The following IREB2 variants were observed in gnomAD, a reference collection of about 807,000 sequenced individuals.
IREB2 encodes the protein iron responsive element binding protein 2, also known as iron-responsive element-binding protein 2.
IREB2 carries 39 observed loss-of-function variants against 118.8 expected under a neutral mutation model. The observed-to-expected ratio is 0.33, with a 90% CI of 0.25 to 0.43. The LOEUF is 0.43. Among genes scored for constraint, IREB2 ranks in the 20% least tolerant of loss-of-function variants. The pLI, the probability that IREB2 is intolerant of heterozygous loss-of-function variation, is 1.00. For missense variants in IREB2, 900 were observed against 1,147.3 expected (o/e 0.78, Z 3.11); for synonymous variants, 372 against 392.2 (o/e 0.95, Z 0.61).
rs758701642 is a variant in IREB2, at chr15:78,478,266, C to T, written c.1196-31C>T. ...TAATAACTAAATAAATTTCTCACTGCATTTTGTTGTTTTGTTCATCTTCGT... is the reference window on the plus strand; with the variant it reads ...TAATAACTAAATAAATTTCTCACTGTATTTTGTTGTTTTGTTCATCTTCGT... On this transcript the variant is annotated intron_variant, in intron 9 of 21. Transcript: ENST00000258886. The T allele has an allele frequency of 7.1e-5, 94 of 1,331,946 alleles. No homozygotes were observed. The Admixed American group carries it at 1.6e-3, about 22-fold the overall frequency. 82.5% of individuals were successfully genotyped at this position (1,331,946 alleles called of 1,614,324 possible). A position where few individuals can be genotyped will look rare whatever the true frequency, so the allele number is the denominator to read the frequency against.
rs1054232009 is a variant in IREB2, at chr15:78,451,786, C to G, written c.107-11136C>G. Among the ~76,000 whole-genome samples, 8 of 152,164 alleles carry G rather than the reference C, an allele frequency of 5.3e-5. 1 individual carries two copies. Among genetic ancestry groups the G allele is most frequent in the African/African-American group, 1.9e-4 (8 of 41,500 alleles). ...CTCACTGCAACCTCTGCCTCTAGTT[C>G]AAGCGATTCTCCTGCCTCAGCCTTC... On this transcript the variant is annotated intron_variant, in intron 2 of 21. Coordinates refer to ENST00000258886, the MANE Select transcript of IREB2 (RefSeq NM_004136.4).
intron 20 of IREB2, among the ~76,000 whole-genome samples, chr15:78,495,974 C>T (rs2051831648): frequency 6.6e-6 from 1 of 152,208 alleles, no homozygotes; most frequent in African/African-American, 2.4e-5. Flanking sequence ...TAAACCTCTA[C>T]TCTTGTGGAG....
At chr15:78,462,720 G>A (rs2051216667) in intron 2 of IREB2, among the ~76,000 whole-genome samples, 1 of 152,104 alleles carries the variant, frequency 6.6e-6, no homozygotes, top group Admixed American at 6.5e-5. Flanking sequence ...AGGCTTTGAG[G>A]TTATGTACAG....
At chr15:78,472,977 ATACT>A (rs935981508) in intron 7 of IREB2, among the ~76,000 whole-genome samples, 1 of 152,248 alleles carries the variant, frequency 6.6e-6, no homozygotes, top group Admixed American at 6.5e-5. Context: ...AACATAATGA[ATACT>A]TAAACTAATG....
chr15:78,463,416 G>A (rs1031314537), intron 3 of IREB2, among the ~76,000 whole-genome samples: 1 of 152,048 alleles, frequency 6.6e-6, no homozygotes, highest in Non-Finnish European at 1.5e-5. Flanking sequence ...ACTCCAGCCT[G>A]GGTGACAATG....
At chr15:78,445,788 T>C (rs973274947) in intron 2 of IREB2, among the ~76,000 whole-genome samples, 1 of 152,022 alleles carries the variant, frequency 6.6e-6, no homozygotes, top group Non-Finnish European at 1.5e-5. Flanking sequence ...TTTTGTTTTG[T>C]TTGTTTTGTT....
intron 10 of IREB2, 98 bp from the exon 11 acceptor site, chr15:78,483,220 G>T: frequency 3.4e-6 from 2 of 594,740 alleles, no homozygotes; most frequent in South Asian, 4.7e-5. Flanking sequence ...AAATAAATAC[G>T]AATATACTTA....
intron 15 of IREB2, 138 bp from the exon 16 acceptor site, chr15:78,488,509 A>G: frequency 2.1e-6 from 2 of 964,172 alleles, no homozygotes; most frequent in Middle Eastern, 2.3e-4. Flanking sequence ...ATGTACAGGT[A>G]ATTAGTTCTT....
At chr15:78,439,693 C>T in intron 1 of IREB2, 102 bp from the exon 2 acceptor site, 1 of 664,846 alleles carries the variant, frequency 1.5e-6, no homozygotes. Flanking sequence ...AATATTTTTA[C>T]CATTGCAGAA....
At chr15:78,438,412 C>G (rs962007312) in intron 1 of IREB2, 56 bp downstream of exon 1, 67 of 1,564,796 alleles carry the variant, frequency 4.3e-5, no homozygotes, top group Middle Eastern at 3.4e-4. Context: ...GCTGCCTAGG[C>G]GCCGAATTCC....
At position 78,484,860 on chromosome 15, in the gene IREB2, G is replaced by C; in HGVS notation, c.1513G>C (p.Val505Leu). Residue 505 changes from valine (V) to leucine (L), a missense_variant, in exon 12 of 22, where the codon GTC becomes CTC. Transcript: ENST00000258886. ...ATATAAGCTGTCTCATGGATCAGTG[G>C]TCATTGCTGCAGTTATCAGTTGTAC... Reference protein sequence around the residue: ...SEYKLSHGSVVIAAVISCTNN... With the variant: ...SEYKLSHGSVLIAAVISCTNN... 1 of 1,613,940 alleles carries C rather than the reference G, an allele frequency of 6.2e-7. No homozygotes were observed. The highest frequency in any genetic ancestry group is 1.1e-5 in the South Asian group (1 of 91,076).
intron 5 of IREB2, among the ~76,000 whole-genome samples, chr15:78,468,714 A>G (rs1315720400): frequency 2.0e-5 from 3 of 152,122 alleles, no homozygotes; most frequent in Non-Finnish European, 4.4e-5. Context: ...GTCTAGTTCT[A>G]AAATATTGGG....
chr15:78,449,120 CTT>C (rs2050980044), intron 2 of IREB2, among the ~76,000 whole-genome samples: 1 of 152,166 alleles, frequency 6.6e-6, no homozygotes, highest in African/African-American at 2.4e-5. Context: ...GGTGAGGAAA[CTT>C]AGTCTTAAAC....
At chr15:78,446,575 A>G (rs542067589) in intron 2 of IREB2, among the ~76,000 whole-genome samples, 8 of 152,258 alleles carry the variant, frequency 5.3e-5, no homozygotes, top group African/African-American at 1.7e-4. Context: ...CCACTTCACT[A>G]TAGACAAGCC....
intron 16 of IREB2, 152 bp downstream of exon 16, chr15:78,488,923 T>G: frequency 1.9e-6 from 1 of 530,508 alleles, no homozygotes; most frequent in South Asian, 3.4e-5. Flanking sequence ...AATCTGTAGT[T>G]AAAAAGAAAA....
Position 78,450,824 on chromosome 15 carries a change from T to TTGTGTGTGTGTGTGTG in IREB2, c.106+10977_106+10992dup, listed in dbSNP as rs35092289. Among the ~76,000 whole-genome samples the TTGTGTGTGTGTGTGTG allele has an allele frequency of 3.7e-5, 5 of 134,122 alleles. 1 individual carries two copies. In the East Asian group the frequency reaches 6.7e-4, roughly 18 times the overall value. 88.0% of individuals were successfully genotyped at this position (134,122 alleles called of 152,430 possible). ...GAGGGCTGTGGTGATATTAACAAATTTGTGTGTGTGTGTGTGTGTGTGTGT... is the reference window on the plus strand; with the variant it reads ...GAGGGCTGTGGTGATATTAACAAATTTGTGTGTGTGTGTGTGTGTGTGTGTGTGTGTGTGTGTGTGT... On this transcript the variant is annotated intron_variant, in intron 2 of 21. Transcript: ENST00000258886.
At chr15:78,445,017 C>T (rs1017586224) in intron 2 of IREB2, among the ~76,000 whole-genome samples, 2 of 152,142 alleles carry the variant, frequency 1.3e-5, no homozygotes, top group African/African-American at 4.8e-5. Context: ...CTAATACTTA[C>T]ATTTTTGTGC....
At chr15:78,470,406 T>C (rs1040446332) in intron 5 of IREB2, 126 bp from the exon 6 acceptor site, 3 of 548,248 alleles carry the variant, frequency 5.5e-6, no homozygotes, top group Non-Finnish European at 9.9e-6. Context: ...ACCTAGTAAA[T>C]AGTTCTTCCA....
chr15:78,478,786 G>A (rs939285239), intron 10 of IREB2, among the ~76,000 whole-genome samples: 5 of 152,190 alleles, frequency 3.3e-5, no homozygotes, highest in Non-Finnish European at 5.9e-5. Flanking sequence ...CGTGTTAGCT[G>A]TATAACCTTG....
Sources: allele counts gnomAD v4.1 joint callset (sites outside exome capture counted in the v4.1 genomes callset), GRCh38; gene constraint gnomAD v4.1.1; transcripts MANE v1.5; gene names NCBI Gene and HGNC (gene_info 2026-07-23, HGNC 2026-07-21).